Variants in PTPRD observed in about 807,000 individuals in gnomAD.
PTPRD encodes the protein receptor-type tyrosine-protein phosphatase delta.
A neutral mutation model predicts 214.5 loss-of-function variants in PTPRD; 34 were observed. The observed-to-expected ratio is 0.16, with a 90% CI of 0.12 to 0.21. PTPRD has a LOEUF of 0.21. Among genes scored for constraint, PTPRD ranks in the 10% least tolerant of loss-of-function variants. PTPRD has a pLI of 1.00. For synonymous variants in PTPRD, 1,128 were observed against 845.7 expected (o/e 1.33, Z -5.79); for missense variants, 2,545 against 2,398.7 (o/e 1.06, Z -1.27).
intron 7 of PTPRD, among the ~76,000 whole-genome samples, chr9:9,654,869 A>C (rs146254347): frequency 1.4e-3 from 213 of 152,244 alleles, no homozygotes; most frequent in African/African-American, 4.7e-3. Flanking sequence ...CCAAGATAAA[A>C]TTGGTCATAG....
intron 11 of PTPRD, among the ~76,000 whole-genome samples, chr9:8,810,031 G>A (rs574845753): frequency 6.6e-6 from 1 of 152,130 alleles, no homozygotes; most frequent in African/African-American, 2.4e-5. Context: ...AGTCCTCTGG[G>A]CCCCAAGTGC....
At chr9:8,885,304 A>C (rs1394974732) in intron 11 of PTPRD, among the ~76,000 whole-genome samples, 1 of 152,012 alleles carries the variant, frequency 6.6e-6, no homozygotes. Context: ...CCTGGGACTA[A>C]GGGGTTTCTC....
chr9:10,072,757 T>C (rs1198413202), intron 3 of PTPRD, among the ~76,000 whole-genome samples: 1 of 152,132 alleles, frequency 6.6e-6, no homozygotes, highest in Non-Finnish European at 1.5e-5. Flanking sequence ...AGAGCACTGA[T>C]TGGTGCACTT....
At chr9:10,270,962 A>G (rs2094385335) in intron 3 of PTPRD, among the ~76,000 whole-genome samples, 1 of 152,014 alleles carries the variant, frequency 6.6e-6, no homozygotes, top group African/African-American at 2.4e-5. Flanking sequence ...TCCCAGGACT[A>G]GAAGAGTGCC....
chr9:9,577,569 T>A (rs982674140), intron 7 of PTPRD, among the ~76,000 whole-genome samples: 1 of 151,374 alleles, frequency 6.6e-6, no homozygotes, highest in Non-Finnish European at 1.5e-5. Flanking sequence ...TCTCAAAAAA[T>A]AAATAAATAA....
chr9:9,931,249 C>T lies in PTPRD; in HGVS notation c.-368+7258G>A, dbSNP rs150183290. 8.3e-3 allele frequency among the ~76,000 whole-genome samples: 1,264 copies of T among 152,282 alleles called. 35 individuals are homozygous for T. Among genetic ancestry groups the T allele is most frequent in the East Asian group, 0.074 (380 of 5,162 alleles). ...CAAGATGGCCGAATAGGAACAGCTC[C>T]GGTCTACAGCTCCCAGCGTGAGCGA... is the stretch of plus-strand genomic sequence containing the variant. On this transcript the variant is annotated intron_variant, in intron 5 of 45. Transcript: ENST00000381196.
chr9:9,155,093 T>C (rs1172688253), intron 10 of PTPRD, among the ~76,000 whole-genome samples: 1 of 152,172 alleles, frequency 6.6e-6, no homozygotes, highest in African/African-American at 2.4e-5. Context: ...ACAGAAGCAA[T>C]ATCAGTTTCT....
intron 5 of PTPRD, among the ~76,000 whole-genome samples, chr9:9,872,336 A>G (rs1467346594): frequency 6.6e-6 from 1 of 152,176 alleles, no homozygotes; most frequent in Admixed American, 6.5e-5. Context: ...ATGGAGACTC[A>G]TGGCTGTAAT....
chr9:9,808,369 T>G (rs1246660671), intron 5 of PTPRD, among the ~76,000 whole-genome samples: 1 of 152,194 alleles, frequency 6.6e-6, no homozygotes, highest in East Asian at 1.9e-4. Context: ...TTTCCTTATC[T>G]GACCAGGAAA....
At chr9:8,420,957 G>A (rs1387747270) in intron 35 of PTPRD, among the ~76,000 whole-genome samples, 1 of 152,022 alleles carries the variant, frequency 6.6e-6, no homozygotes, top group Non-Finnish European at 1.5e-5. Context: ...TTGATGTCCT[G>A]CACTGTCCTG....
intron 14 of PTPRD, among the ~76,000 whole-genome samples, chr9:8,553,926 C>T (rs567647801): frequency 8.5e-5 from 13 of 152,270 alleles, no homozygotes; most frequent in South Asian, 2.1e-4. Context: ...CGGTGGCTCA[C>T]GCCTGTAATC....
Position 10,525,658 on chromosome 9 carries a change from C to G in PTPRD, c.-600+86740G>C, listed in dbSNP as rs1566737064. Among the ~76,000 whole-genome samples, 4 of 151,836 alleles carry G rather than the reference C, an allele frequency of 2.6e-5. No homozygotes were observed. The South Asian group carries it at 6.2e-4, about 24-fold the overall frequency. On this transcript the variant is annotated intron_variant, in intron 2 of 45. Coordinates refer to ENST00000381196, the MANE Select transcript of PTPRD (RefSeq NM_002839.4). ...ATTAAATTATGAATAAAAATATTCTCCACACATATCCAGAAAGCTTGAGCC... is the reference window on the plus strand; with the variant it reads ...ATTAAATTATGAATAAAAATATTCTGCACACATATCCAGAAAGCTTGAGCC...
At chr9:10,252,546 G>A (rs920439178) in intron 3 of PTPRD, among the ~76,000 whole-genome samples, 1 of 151,876 alleles carries the variant, frequency 6.6e-6, no homozygotes, top group African/African-American at 2.4e-5. Flanking sequence ...CACTCCCAGA[G>A]TAATAAGAGA....
At chr9:9,567,404 T>C (rs1371424561) in intron 8 of PTPRD, among the ~76,000 whole-genome samples, 6 of 151,926 alleles carry the variant, frequency 3.9e-5, no homozygotes, top group African/African-American at 7.2e-5. Context: ...ATTCTGTACA[T>C]TTTTATACAG....
chr9:9,675,739 T>A (rs1460923138), intron 7 of PTPRD, among the ~76,000 whole-genome samples: 1 of 151,930 alleles, frequency 6.6e-6, no homozygotes, highest in African/African-American at 2.4e-5. Flanking sequence ...TATTGGTGAG[T>A]TCTATCACAA....
At chr9:10,331,793 GA>G (rs1440689533) in intron 3 of PTPRD, among the ~76,000 whole-genome samples, 6 of 151,856 alleles carry the variant, frequency 4.0e-5, no homozygotes, top group African/African-American at 1.4e-4. Context: ...AATTTTAGAT[GA>G]AAAAATACCT....
intron 8 of PTPRD, among the ~76,000 whole-genome samples, chr9:9,400,778 A>C (rs2070065209): frequency 6.6e-6 from 1 of 152,090 alleles, no homozygotes; most frequent in Non-Finnish European, 1.5e-5. Context: ...AAACCAAATC[A>C]ATTGATTTAT....
intron 14 of PTPRD, among the ~76,000 whole-genome samples, chr9:8,591,143 G>A (rs1215861309): frequency 1.3e-5 from 2 of 152,030 alleles, no homozygotes; most frequent in African/African-American, 4.8e-5. Flanking sequence ...ATTACATTAG[G>A]CTCACCTGGA....
At chr9:9,509,674 G>A (rs749799129) in intron 8 of PTPRD, among the ~76,000 whole-genome samples, 30 of 151,622 alleles carry the variant, frequency 2.0e-4, no homozygotes, top group African/African-American at 5.6e-4. Context: ...GAATAAAGCC[G>A]TATTCCTTGG....
Sources: allele counts gnomAD v4.1 joint callset (sites outside exome capture counted in the v4.1 genomes callset), GRCh38; gene constraint gnomAD v4.1.1; transcripts MANE v1.5; gene names NCBI Gene and HGNC (gene_info 2026-07-23, HGNC 2026-07-21).